DPP6: variants seen among roughly 807,000 people sequenced by gnomAD.
DPP6 encodes A-type potassium channel modulatory protein DPP6.
A neutral mutation model predicts 122.6 loss-of-function variants in DPP6; 69 were observed. That is an observed-to-expected ratio of 0.56 (90% confidence interval 0.46 to 0.69). The LOEUF (loss-of-function observed/expected upper bound fraction) is 0.69, where lower values mean the gene tolerates loss of function less well. Among genes scored for constraint, DPP6 ranks in the 30% least tolerant of loss-of-function variants. The pLI, the probability that DPP6 is intolerant of heterozygous loss-of-function variation, is 0.00. For synonymous variants in DPP6, 418 were observed against 433.1 expected (o/e 0.97, Z 0.43); for missense variants, 928 against 1,116.9 (o/e 0.83, Z 2.41).
chr7:154,532,093 T>G (rs1827883423), intron 3 of DPP6, among the ~76,000 whole-genome samples: 1 of 152,104 alleles, frequency 6.6e-6, no homozygotes, highest in Non-Finnish European at 1.5e-5. Context: ...AAGGTTAGAC[T>G]ATATTATTAT....
chr7:154,698,421 C>T lies in DPP6; in HGVS notation c.762+28980C>T, dbSNP rs192183561. Among the ~76,000 whole-genome samples, 61 of 152,180 alleles carry T rather than the reference C, an allele frequency of 4.0e-4. No individual in the cohort carries two copies. The East Asian group carries it at 0.01, about 25-fold the overall frequency. On this transcript the variant is annotated intron_variant, in intron 7 of 25. Coordinates refer to ENST00000377770, the MANE Select transcript of DPP6 (RefSeq NM_130797.4). ...TATATACACTTTTGATGTATATTTG[C>T]GAATTGTCGTCCGTATGCCTCATCA...
At chr7:154,169,295 A>G (rs1027556834) in intron 1 of DPP6, among the ~76,000 whole-genome samples, 1 of 151,564 alleles carries the variant, frequency 6.6e-6, no homozygotes, top group South Asian at 2.1e-4. Context: ...TACAGTCCTA[A>G]GGGTCCTAAG....
At chr7:154,679,218 A>AG (rs1377497536) in intron 7 of DPP6, among the ~76,000 whole-genome samples, 13 of 152,114 alleles carry the variant, frequency 8.5e-5, no homozygotes, top group Admixed American at 7.9e-4. Flanking sequence ...TTAGGGAGGG[A>AG]GGGGGAATGT....
chr7:153,871,691 T>C, the DPP6 span, among the ~76,000 whole-genome samples: 4 of 152,212 alleles, frequency 2.6e-5, no homozygotes, highest in Admixed American at 1.3e-4. Context: ...CCCAGTGAGA[T>C]GAACCCAGTA....
intron 1 of DPP6, among the ~76,000 whole-genome samples, chr7:154,111,077 A>C (rs1024522283): frequency 1.3e-5 from 2 of 152,204 alleles, no homozygotes; most frequent in Non-Finnish European, 2.9e-5. Flanking sequence ...AAGCCTAAAA[A>C]TCCATCCTTT....
chr7:154,861,101 A>C (rs1444843820), intron 17 of DPP6, among the ~76,000 whole-genome samples: 1 of 152,206 alleles, frequency 6.6e-6, no homozygotes, highest in Non-Finnish European at 1.5e-5. Context: ...ACAGCTTTCA[A>C]ATATTTTAAG....
rs76251447 is a variant in DPP6, at chr7:154,428,338, A to G, written c.244-17876A>G. ...TCTTTTTTAGCATAATACACCTAAA[A>G]CAGATATTCCACTAATATAGAGTGA... On this transcript the variant is annotated intron_variant, in intron 1 of 25. Transcript: ENST00000377770. Among the ~76,000 whole-genome samples, 764 of 152,328 alleles carry G rather than the reference A, an allele frequency of 5.0e-3. 7 individuals are homozygous for G. The highest frequency in any genetic ancestry group is 0.017 in the African/African-American group (723 of 41,564).
At chr7:154,045,580 T>C (rs181289583) in intron 1 of DPP6, among the ~76,000 whole-genome samples, 239 of 152,334 alleles carry the variant, frequency 1.6e-3, no homozygotes, top group Non-Finnish European at 3.0e-3. Context: ...AAAGCCACTG[T>C]ATGAGTAGAT....
intron 1 of DPP6, among the ~76,000 whole-genome samples, chr7:153,943,445 A>C (rs1333805093): frequency 6.6e-6 from 1 of 152,224 alleles, no homozygotes; most frequent in East Asian, 1.9e-4. Flanking sequence ...AATTCCATCA[A>C]ATCATGTAGA....
At chr7:154,514,762 C>T (rs977506651) in intron 3 of DPP6, among the ~76,000 whole-genome samples, 1 of 152,172 alleles carries the variant, frequency 6.6e-6, no homozygotes, top group African/African-American at 2.4e-5. Context: ...TATAGACAGA[C>T]AACATTTTGT....
intron 1 of DPP6, among the ~76,000 whole-genome samples, chr7:153,979,590 G>A (rs1010393370): frequency 3.3e-5 from 5 of 152,208 alleles, no homozygotes; most frequent in African/African-American, 1.2e-4. Context: ...TGTTGAATAG[G>A]AGTGGTGAGA....
At chr7:154,036,016 G>A (rs62485561) in intron 1 of DPP6, among the ~76,000 whole-genome samples, 1,202 of 57,632 alleles carry the variant, frequency 0.021, 40 homozygotes, top group African/African-American at 0.094. Context: ...TTACGCGCGC[G>A]CGCTTGTGTG....
At chr7:154,476,798 T>A (rs1175622178) in intron 3 of DPP6, among the ~76,000 whole-genome samples, 1 of 152,190 alleles carries the variant, frequency 6.6e-6, no homozygotes, top group East Asian at 1.9e-4. Context: ...AGACTTGTGG[T>A]ATTTAAGAAA....
At chr7:154,361,096 G>A (rs1811685839) in intron 1 of DPP6, among the ~76,000 whole-genome samples, 1 of 152,084 alleles carries the variant, frequency 6.6e-6, no homozygotes, top group Non-Finnish European at 1.5e-5. Context: ...GGATTCTGTG[G>A]GCCAGTGGGC....
intron 1 of DPP6, among the ~76,000 whole-genome samples, chr7:154,018,304 T>C (rs1798529085): frequency 6.6e-6 from 1 of 151,976 alleles, no homozygotes; most frequent in African/African-American, 2.4e-5. Flanking sequence ...CTCAATGATC[T>C]TGAGATCAAT....
At chr7:154,383,559 G>T (rs1813815634) in intron 1 of DPP6, among the ~76,000 whole-genome samples, 2 of 152,182 alleles carry the variant, frequency 1.3e-5, no homozygotes. Context: ...TATGGTGGAA[G>T]ATTTTTTTCT....
chr7:154,267,612 T>G (rs1803514176), intron 1 of DPP6, among the ~76,000 whole-genome samples: 1 of 151,016 alleles, frequency 6.6e-6, no homozygotes, highest in South Asian at 2.1e-4. Context: ...CATGTATATA[T>G]CCCTTACATA....
intron 3 of DPP6, among the ~76,000 whole-genome samples, chr7:154,534,603 C>T (rs1202242739): frequency 6.6e-6 from 1 of 151,940 alleles, no homozygotes; most frequent in Non-Finnish European, 1.5e-5. Flanking sequence ...TGAAATTAAA[C>T]AGTAATACCA....
At chr7:154,401,203 AAC>A (rs1290179006) in intron 1 of DPP6, among the ~76,000 whole-genome samples, 5 of 149,840 alleles carry the variant, frequency 3.3e-5, no homozygotes, top group African/African-American at 1.0e-4. Flanking sequence ...TCTCAGAAAA[AAC>A]AAAAACAAAA....
Sources: gnomAD v4.1 joint callset for allele counts (sites outside exome capture counted in the v4.1 genomes callset) on GRCh38, gnomAD v4.1.1 for gene constraint, MANE v1.5 for transcripts, NCBI Gene and HGNC (gene_info 2026-07-23, HGNC 2026-07-21) for gene names.